The following HS1BP3 variants were observed in gnomAD, a reference collection of about 807,000 sequenced individuals.
HS1BP3 encodes the protein HCLS1 binding protein 3.
In HS1BP3, 32 loss-of-function variants were observed where a neutral mutation model predicts 33.5. The ratio of observed to expected loss-of-function variants is 0.95; its 90% CI spans 0.72 to 1.28. The LOEUF is 1.28. Ranked by LOEUF, HS1BP3 falls within the 50% of genes most tolerant of loss-of-function variation. The probability of loss-of-function intolerance (pLI) is 0.00; values close to 1 mark genes in which losing one functional copy is unlikely to be tolerated. For missense variants in HS1BP3, 486 were observed against 502.3 expected (o/e 0.97, Z 0.31); for synonymous variants, 187 against 209.2 (o/e 0.89, Z 0.92).
intron 3 of HS1BP3, among the ~76,000 whole-genome samples, chr2:20,597,632 C>T (rs938726385): frequency 6.6e-6 from 1 of 151,458 alleles, no homozygotes; most frequent in Admixed American, 6.6e-5. Context: ...CCATGCATGT[C>T]AACGCTCTGG....
At chr2:20,596,514 C>T (rs1436386472) in intron 3 of HS1BP3, among the ~76,000 whole-genome samples, 2 of 152,206 alleles carry the variant, frequency 1.3e-5, no homozygotes, top group Non-Finnish European at 2.9e-5. Context: ...AATCTGTGAA[C>T]CAGACAGCAG....
chr2:20,628,280 G>A (rs1303844397), intron 4 of HS1BP3, among the ~76,000 whole-genome samples: 1 of 152,188 alleles, frequency 6.6e-6, no homozygotes, highest in Non-Finnish European at 1.5e-5. Flanking sequence ...TCATGGCAGA[G>A]CAGGGTCACA....
At chr2:20,646,454 G>A (rs1237355146) in intron 1 of HS1BP3, among the ~76,000 whole-genome samples, 1 of 152,160 alleles carries the variant, frequency 6.6e-6, no homozygotes, top group African/African-American at 2.4e-5. Context: ...CCTCCCACAC[G>A]GACCCCTCAC....
chr2:20,573,129 C>A (rs1477052967), intron 5 of HS1BP3, among the ~76,000 whole-genome samples: 1 of 152,178 alleles, frequency 6.6e-6, no homozygotes, highest in Non-Finnish European at 1.5e-5. Context: ...TACCTGGGAA[C>A]AAGATCTTAC....
Position 20,638,460 on chromosome 2 carries a change from GCCT to G in HS1BP3, c.596_598del (p.Glu199del), listed in dbSNP as rs766035212. 1 of 1,613,868 alleles carries G rather than the reference GCCT, an allele frequency of 6.2e-7. No individual in the cohort carries two copies. The highest frequency in any genetic ancestry group is 8.5e-7 in the Non-Finnish European group (1 of 1,179,742). ...CCGCATAATGCCCAGAGGGTCCAGC[GCCT>G]CCTCCTCCTCCAAGGATTCCTCAGC... On this transcript the variant is annotated inframe_deletion, in exon 4 of 7. Coordinates refer to ENST00000304031, the MANE Select transcript of HS1BP3 (RefSeq NM_022460.4).
chr2:20,611,211 A>G lies in HS1BP3; in HGVS notation c.178+12685T>C, dbSNP rs1001274238. Among the ~76,000 whole-genome samples, 3 of 152,178 alleles carry G rather than the reference A, an allele frequency of 2.0e-5. No homozygotes were observed. Among genetic ancestry groups the G allele is most frequent in the Non-Finnish European group, 1.5e-5 (1 of 68,038 alleles). On this transcript the variant is annotated intron_variant, in intron 2 of 3. Transcript: ENST00000415264. The surrounding 1 kb of genome is among the most constrained non-coding windows in gnomAD (Gnocchi z 4.9). Reference sequence around the variant, plus strand: ...TTCATTGACCGTTTGTTTGATGGATATTTGGGTTGTTTCCTTTGGGGGAGG... The same window carrying G: ...TTCATTGACCGTTTGTTTGATGGATGTTTGGGTTGTTTCCTTTGGGGGAGG...
At chr2:20,633,852 T>C (rs770048010) in intron 4 of HS1BP3, among the ~76,000 whole-genome samples, 3 of 152,230 alleles carry the variant, frequency 2.0e-5, no homozygotes, top group African/African-American at 4.8e-5. Context: ...GGAAATGCAG[T>C]TGGCATGCAC....
chr2:20,642,554 C>T (rs1695388583), intron 2 of HS1BP3, among the ~76,000 whole-genome samples: 1 of 152,248 alleles, frequency 6.6e-6, no homozygotes, highest in Non-Finnish European at 1.5e-5. Flanking sequence ...CAGAGCAGGC[C>T]ACGGTGGGGG....
intron 5 of HS1BP3, among the ~76,000 whole-genome samples, chr2:20,582,050 A>G (rs1344300863): frequency 6.6e-6 from 1 of 152,214 alleles, no homozygotes; most frequent in African/African-American, 2.4e-5. Context: ...ACTGAAAGTC[A>G]ACTGATTTGG....
intron 4 of HS1BP3, among the ~76,000 whole-genome samples, chr2:20,634,512 G>T (rs576681684): frequency 2.0e-5 from 3 of 152,306 alleles, no homozygotes; most frequent in East Asian, 3.9e-4. Flanking sequence ...CAGTGGTCGG[G>T]ATATTTAGCA....
At chr2:20,641,743 G>A (rs1270058188) in intron 2 of HS1BP3, among the ~76,000 whole-genome samples, 1 of 152,246 alleles carries the variant, frequency 6.6e-6, no homozygotes, top group Non-Finnish European at 1.5e-5. Flanking sequence ...GACTCTTGCT[G>A]TCATCAGAAG....
downstream of HS1BP3, among the ~76,000 whole-genome samples, chr2:20,614,618 C>T (rs1198498889): frequency 1.3e-5 from 2 of 152,206 alleles, no homozygotes; most frequent in Non-Finnish European, 2.9e-5. Context: ...GTGCCCATTA[C>T]GTGCTTAGTG....
intron 5 of HS1BP3, among the ~76,000 whole-genome samples, chr2:20,562,155 T>C (rs1395907615): frequency 6.6e-6 from 1 of 152,168 alleles, no homozygotes; most frequent in Non-Finnish European, 1.5e-5. Context: ...ACTCCGACTG[T>C]TCATTGGACT....
At chr2:20,572,933 C>T (rs1693310621) in intron 5 of HS1BP3, among the ~76,000 whole-genome samples, 1 of 152,182 alleles carries the variant, frequency 6.6e-6, no homozygotes, top group Non-Finnish European at 1.5e-5. Flanking sequence ...CCAGCATAGC[C>T]CATCACTCTG....
chr2:20,626,126 CTACACAATGATACAGAT>C lies in HS1BP3; in HGVS notation c.624-1251_624-1235del. ...GGCAAAACTGCACCGAGAGGCTGGCCTACACAATGATACAGATTAACCAATGGCAGATAAAAATAGCA... is the reference window on the plus strand; with the variant it reads ...GGCAAAACTGCACCGAGAGGCTGGCCTAACCAATGGCAGATAAAAATAGCA... On this transcript the variant is annotated intron_variant, in intron 4 of 6. Coordinates refer to ENST00000304031, the MANE Select transcript of HS1BP3 (RefSeq NM_022460.4). Among the ~76,000 whole-genome samples, 6 of 152,270 alleles carry C rather than the reference CTACACAATGATACAGAT, an allele frequency of 3.9e-5. 1 individual carries two copies. Among genetic ancestry groups the C allele is most frequent in the Admixed American group, 3.9e-4 (6 of 15,304 alleles).
intron 2 of HS1BP3, among the ~76,000 whole-genome samples, chr2:20,609,173 G>A (rs967990750): frequency 1.4e-4 from 22 of 152,182 alleles, no homozygotes; most frequent in Admixed American, 1.2e-3. Context: ...ACCGTCCTTG[G>A]GGGCAGAGGC....
chr2:20,624,884 T>C lies in HS1BP3; in HGVS notation c.632A>G (p.Lys211Arg), dbSNP rs375489412. The change falls in exon 5 of 7, where the codon AAG (lysine) becomes AGG (arginine). Residue 211 changes from lysine to arginine, a missense_variant. By Grantham distance (26) the Lys-to-Arg change is conservative (BLOSUM62 2). Coordinates refer to ENST00000304031, the MANE Select transcript of HS1BP3 (RefSeq NM_022460.4). ...GGCCACTTTGGGATGTTTCTTGGGC[T>C]TCTTGGAGCTGGAGAATCACAGACA... ...LDPLGIMRSK[K>R]PKKHPKVAVK... The C allele has an allele frequency of 8.1e-6, 13 of 1,613,446 alleles. No individual in the cohort carries two copies. The Admixed American group carries it at 1.2e-4, about 14-fold the overall frequency.
At chr2:20,580,955 C>T (rs28433270) in intron 5 of HS1BP3, among the ~76,000 whole-genome samples, 6 of 152,258 alleles carry the variant, frequency 3.9e-5, no homozygotes, top group Admixed American at 2.6e-4. Flanking sequence ...AAGGATACCA[C>T]TGCTGAAGGC....
downstream of HS1BP3, chr2:20,591,344 A>C (rs1431409962): frequency 6.1e-6 from 1 of 165,116 alleles, no homozygotes; most frequent in Non-Finnish European, 1.5e-5. Context: ...CTTCTGCTTC[A>C]TGGAAACAGG....
Sources: allele counts gnomAD v4.1 joint callset (sites outside exome capture counted in the v4.1 genomes callset), GRCh38; gene constraint gnomAD v4.1.1; non-coding constraint Gnocchi (gnomAD v3.1); transcripts MANE v1.5; gene names NCBI Gene and HGNC (gene_info 2026-07-23, HGNC 2026-07-21).